GPR137B: variants seen among roughly 807,000 people sequenced by gnomAD.
GPR137B encodes integral membrane protein GPR137B.
Under a neutral mutation model 42.5 loss-of-function variants are expected in GPR137B, and 42 were observed. The ratio of observed to expected loss-of-function variants is 0.99; its 90% CI spans 0.77 to 1.28. The LOEUF (loss-of-function observed/expected upper bound fraction) is 1.28, where lower values mean the gene tolerates loss of function less well. Ranked by LOEUF, GPR137B falls within the 50% of genes most tolerant of loss-of-function variation. The pLI, the probability that GPR137B is intolerant of heterozygous loss-of-function variation, is 0.00. For synonymous variants in GPR137B, 218 were observed against 209.7 expected (o/e 1.04, Z -0.34); for missense variants, 487 against 493.9 (o/e 0.99, Z 0.13).
At chr1:236,172,065 G>A (rs943471290) in intron 2 of GPR137B, among the ~76,000 whole-genome samples, 4 of 151,622 alleles carry the variant, frequency 2.6e-5, no homozygotes, top group Non-Finnish European at 5.9e-5. Flanking sequence ...AAAGTGAGAT[G>A]TTTAGGCCAG....
chr1:236,147,701 C>T (rs1661718321), intron 1 of GPR137B, among the ~76,000 whole-genome samples: 1 of 152,236 alleles, frequency 6.6e-6, no homozygotes, highest in African/African-American at 2.4e-5. Context: ...GGGACTCCAC[C>T]TGCAAACAGT....
At chr1:236,149,991 GTGTATGTGTGCC>G (rs1174444511) in intron 1 of GPR137B, among the ~76,000 whole-genome samples, 5 of 151,284 alleles carry the variant, frequency 3.3e-5, no homozygotes, top group Admixed American at 6.6e-5. Flanking sequence ...TGTGGGGTTT[GTGTATGTGTGCC>G]TGTGTGTGTG....
chr1:236,142,967 G>A lies in GPR137B; in HGVS notation c.345G>A (p.Trp115Ter). The A allele has an allele frequency of 1.2e-6, 2 of 1,614,080 alleles. No homozygotes were observed. Among genetic ancestry groups the A allele is most frequent in the Non-Finnish European group, 1.7e-6 (2 of 1,179,992 alleles). The change falls in exon 1 of 7, where the codon TGG becomes TGA. Residue 115 changes from tryptophan (W) to a stop codon, truncating the protein, a stop_gained. Transcript: ENST00000366592. LOFTEE classifies it high-confidence loss of function. ...AANSLSPFVFWLLYCFPVCLQ... is the reference protein window; with the variant it reads ...AANSLSPFVF Reference sequence around the variant, plus strand: ...ATTCGCTCAGCCCCTTCGTCTTCTGGCTGCTCTACTGCTTCCCTGTGTGCC... The same window carrying A: ...ATTCGCTCAGCCCCTTCGTCTTCTGACTGCTCTACTGCTTCCCTGTGTGCC...
intron 1 of GPR137B, among the ~76,000 whole-genome samples, chr1:236,146,064 G>C (rs1210248777): frequency 6.6e-6 from 1 of 151,566 alleles, no homozygotes; most frequent in Non-Finnish European, 1.5e-5. Context: ...TGCCATGTTG[G>C]CCAGGTTGGT....
At chr1:236,169,222 ACAGGTACAGGTGCAGGTG>A (rs1361464939) in intron 2 of GPR137B, among the ~76,000 whole-genome samples, 4 of 125,494 alleles carry the variant, frequency 3.2e-5, no homozygotes, top group Middle Eastern at 3.7e-3. Flanking sequence ...AGGTACAGGT[ACAGGTACAGGTGCAGGTG>A]CAGGTGCAGG....
intron 6 of GPR137B, chr1:236,207,167 A>G: frequency 1.0e-6 from 1 of 985,164 alleles, no homozygotes. Context: ...GGGAGAATAC[A>G]TGCTTTCTCA....
rs866880958 is a variant in GPR137B at position 236,150,124 on chromosome 1, C to T, written c.414+7088C>T. On this transcript the variant is annotated intron_variant, in intron 1 of 6. Coordinates refer to ENST00000366592, the MANE Select transcript of GPR137B (RefSeq NM_003272.4). The surrounding 1 kb of genome is among the most constrained non-coding windows in gnomAD (Gnocchi z 6.2). ...CTGTGCCTGTGTATGTCTGTGCCTG[C>T]GTGTGCCTGTGTGTGTGCCTCTGTT... Among the ~76,000 whole-genome samples, 5 of 121,302 alleles carry T rather than the reference C, an allele frequency of 4.1e-5. No homozygotes were observed. The highest frequency in any genetic ancestry group is 6.9e-5 in the Non-Finnish European group (4 of 57,790). The allele number at this position is 121,302 out of a possible 152,430, so 79.6% of individuals were successfully genotyped here. A position where few individuals can be genotyped will look rare whatever the true frequency, so the allele number is the denominator to read the frequency against.
intron 2 of GPR137B, among the ~76,000 whole-genome samples, chr1:236,176,410 T>A (rs1388309468): frequency 6.6e-6 from 1 of 151,964 alleles, no homozygotes; most frequent in African/African-American, 2.4e-5. Flanking sequence ...CTCGCTCATC[T>A]CTCCGATGCA....
At chr1:236,158,030 A>G (rs1662084271) in intron 1 of GPR137B, among the ~76,000 whole-genome samples, 1 of 152,214 alleles carries the variant, frequency 6.6e-6, no homozygotes, top group Non-Finnish European at 1.5e-5. Context: ...CTGCCTAGCC[A>G]TAAAAACACC....
intron 1 of GPR137B, among the ~76,000 whole-genome samples, chr1:236,145,960 C>G (rs543095885): frequency 6.6e-6 from 1 of 152,076 alleles, no homozygotes; most frequent in African/African-American, 2.4e-5. Context: ...TGGATTCAAG[C>G]GATTCTCCTG....
intron 1 of GPR137B, among the ~76,000 whole-genome samples, chr1:236,152,439 G>A (rs183901598): frequency 6.6e-6 from 1 of 152,164 alleles, no homozygotes; most frequent in East Asian, 1.9e-4. Context: ...TCTAGCCTGG[G>A]TGATAGAGCG....
intron 1 of GPR137B, among the ~76,000 whole-genome samples, chr1:236,144,451 A>G (rs1661627924): frequency 6.6e-6 from 1 of 152,208 alleles, no homozygotes; most frequent in Non-Finnish European, 1.5e-5. Context: ...ACAAAGTAGG[A>G]AAAGGATTGC....
intron 5 of GPR137B, among the ~76,000 whole-genome samples, chr1:236,199,728 G>A (rs745348310): frequency 6.6e-6 from 1 of 151,750 alleles, no homozygotes; most frequent in African/African-American, 2.4e-5. Context: ...TTCTAATTGA[G>A]CTTATTTGGA....
intron 5 of GPR137B, among the ~76,000 whole-genome samples, chr1:236,194,603 T>C (rs1663286748): frequency 6.6e-6 from 1 of 152,224 alleles, no homozygotes; most frequent in Non-Finnish European, 1.5e-5. Flanking sequence ...AACATATGCC[T>C]GATTTGGTGT....
chr1:236,176,196 G>A (rs16833407), intron 2 of GPR137B, among the ~76,000 whole-genome samples: 3,317 of 152,224 alleles, frequency 0.022, 36 homozygotes, highest in African/African-American at 0.039. Context: ...CTTGCTCAGC[G>A]ATCAGGGCCT....
chr1:236,179,796 A>T, intron 3 of GPR137B, 83 bp from the exon 4 acceptor site: 1 of 1,026,678 alleles, frequency 9.7e-7, no homozygotes, highest in Non-Finnish European at 1.4e-6. Flanking sequence ...GGGCTTTACC[A>T]GACTGATAGC....
At chr1:236,162,308 GAC>G (rs1245577829) in intron 1 of GPR137B, among the ~76,000 whole-genome samples, 3 of 152,132 alleles carry the variant, frequency 2.0e-5, no homozygotes, top group Non-Finnish European at 4.4e-5. Flanking sequence ...ATTTAGAGGT[GAC>G]TTCAGTACTC....
In GPR137B at chr1:236,162,255, T is replaced by C. The variant is rs559371398; in HGVS notation, c.415-6451T>C. ...TGTGGAACACTGAACTTCAGAGAGA[T>C]GATTTAGGGTATCTGGCAGAAGAAA... On this transcript the variant is annotated intron_variant, in intron 1 of 6. Transcript: ENST00000366592. Among the ~76,000 whole-genome samples the C allele has an allele frequency of 2.6e-5, 4 of 152,268 alleles. No homozygotes were observed. In the East Asian group the frequency reaches 7.7e-4, roughly 29 times the overall value.
At chr1:236,175,125 G>A (rs1417433421) in intron 2 of GPR137B, among the ~76,000 whole-genome samples, 2 of 151,818 alleles carry the variant, frequency 1.3e-5, no homozygotes, top group East Asian at 1.9e-4. Context: ...TCAGGAGTTC[G>A]AGGCTGCAGT....
Sources: gnomAD v4.1 joint callset for allele counts (sites outside exome capture counted in the v4.1 genomes callset) on GRCh38, gnomAD v4.1.1 for gene constraint, Gnocchi (gnomAD v3.1) non-coding constraint, MANE v1.5 for transcripts, NCBI Gene and HGNC (gene_info 2026-07-23, HGNC 2026-07-21) for gene names.